CALCR: variants seen among roughly 807,000 people sequenced by gnomAD.
The protein encoded by CALCR is calcitonin receptor.
Under a neutral mutation model 59.5 loss-of-function variants are expected in CALCR, and 47 were observed. The observed-to-expected ratio is 0.79, with a 90% CI of 0.63 to 1.01. CALCR has a LOEUF of 1.01. Among genes scored for constraint, CALCR ranks in the 50% least tolerant of loss-of-function variants. CALCR has a pLI of 0.00. For synonymous variants in CALCR, 213 were observed against 211.3 expected (o/e 1.01, Z -0.07); for missense variants, 566 against 597.1 (o/e 0.95, Z 0.54).
intron 2 of CALCR, among the ~76,000 whole-genome samples, chr7:93,531,296 T>C (rs1218367219): frequency 6.6e-6 from 1 of 152,140 alleles, no homozygotes; most frequent in African/African-American, 2.4e-5. Flanking sequence ...CTTTAGGCAA[T>C]GGGGGAATGG....
intron 8 of CALCR, among the ~76,000 whole-genome samples, chr7:93,460,562 A>ATATATATAT (rs1305307735): frequency 1.2e-5 from 1 of 85,794 alleles, no homozygotes; most frequent in African/African-American, 9.2e-5. Flanking sequence ...TCTAAAAAAA[A>ATATATATAT]AAAAAAAAAA....
At chr7:93,429,938 T>TTTTTTTGAGACAGAGTC in intron 13 of CALCR, among the ~76,000 whole-genome samples, 1 of 107,522 alleles carries the variant, frequency 9.3e-6, no homozygotes, top group African/African-American at 3.7e-5. Flanking sequence ...TTGTTTGTTT[T>TTTTTTTGAGACAGAGTC]TTTGTTTTTT....
chr7:93,535,873 C>G (rs1476221274), intron 2 of CALCR, among the ~76,000 whole-genome samples: 1 of 151,744 alleles, frequency 6.6e-6, no homozygotes, highest in Non-Finnish European at 1.5e-5. Flanking sequence ...ACTGAACTCT[C>G]TCAGCTAATG....
At chr7:93,541,451 C>T (rs138830664) in intron 2 of CALCR, among the ~76,000 whole-genome samples, 27 of 152,138 alleles carry the variant, frequency 1.8e-4, no homozygotes, top group African/African-American at 4.8e-4. Context: ...GAGTGACCAC[C>T]GCACCCGGCC....
At chr7:93,519,545 AT>A (rs1363615579) in intron 2 of CALCR, among the ~76,000 whole-genome samples, 1 of 152,106 alleles carries the variant, frequency 6.6e-6, no homozygotes, top group Admixed American at 6.6e-5. Flanking sequence ...AGCACATAGT[AT>A]TCAATAAATA....
intron 6 of CALCR, 115 bp downstream of exon 6, chr7:93,472,260 T>G: frequency 3.1e-6 from 2 of 639,764 alleles, no homozygotes; most frequent in Non-Finnish European, 5.6e-6. Flanking sequence ...TCATATGATT[T>G]CTTTCCACAA....
At chr7:93,532,764 G>C (rs938754993) in intron 2 of CALCR, among the ~76,000 whole-genome samples, 2 of 135,162 alleles carry the variant, frequency 1.5e-5, no homozygotes, top group African/African-American at 2.9e-5. Flanking sequence ...TTTGCCAAAA[G>C]ACCCAAGAGG....
rs774351673 is a variant in CALCR, at chr7:93,436,020, A to G, written c.1081T>C (p.Trp361Arg). 1.2e-6 allele frequency: 2 copies of G among 1,613,794 alleles called. No individual in the cohort carries two copies. Among genetic ancestry groups the G allele is most frequent in the Admixed American group, 3.3e-5 (2 of 60,020 alleles). ...CCAAGCATCTTGTTGGAAGGTCTCC[A>G]GGGAAAGACGACAAACTGGATTCCC... ...LLGIQFVVFP[W>R]RPSNKMLGKI... The change falls in exon 12 of 14, where the codon TGG (tryptophan) becomes CGG (arginine). Residue 361 changes from tryptophan to arginine, a missense_variant. Transcript: ENST00000426151.
At chr7:93,524,246 T>C (rs1429199242) in intron 2 of CALCR, among the ~76,000 whole-genome samples, 2 of 151,240 alleles carry the variant, frequency 1.3e-5, no homozygotes, top group Non-Finnish European at 2.9e-5. Context: ...CTCAGCTCAC[T>C]GCAAGCTCCG....
In CALCR at chr7:93,511,555, A is replaced by G. The variant is rs181634078; in HGVS notation, c.-26-24548T>C. ...TGCTCAGAGGTGAGAATCATCCACA[A>G]TAAAAAAATTACTAGATATGTGAAA... On this transcript the variant is annotated intron_variant, in intron 2 of 13. Transcript: ENST00000426151. Among the ~76,000 whole-genome samples the G allele has an allele frequency of 3.4e-3, 513 of 152,306 alleles. 8 individuals are homozygous for G. Among genetic ancestry groups the G allele is most frequent in the Admixed American group, 0.03 (456 of 15,280 alleles).
At chr7:93,433,486 G>C (rs565752759) in intron 13 of CALCR, among the ~76,000 whole-genome samples, 23 of 152,302 alleles carry the variant, frequency 1.5e-4, no homozygotes, top group African/African-American at 5.5e-4. Context: ...GTTCCAGTCT[G>C]GGTTATAACC....
At chr7:93,492,028 A>G (rs1801090104) in intron 2 of CALCR, among the ~76,000 whole-genome samples, 1 of 151,876 alleles carries the variant, frequency 6.6e-6, no homozygotes, top group Non-Finnish European at 1.5e-5. Flanking sequence ...TAGACCGTAT[A>G]AAGAAAATGT....
chr7:93,568,506 ACTTTCTCTCT>A (rs1789918037), intron 2 of CALCR, among the ~76,000 whole-genome samples: 1 of 55,112 alleles, frequency 1.8e-5, no homozygotes, highest in Non-Finnish European at 3.6e-5. Context: ...CCATAAAATT[ACTTTCTCTCT>A]CTCTCTCTCT....
intron 2 of CALCR, among the ~76,000 whole-genome samples, chr7:93,568,139 A>C (rs1789907487): frequency 6.6e-6 from 1 of 152,098 alleles, no homozygotes; most frequent in Admixed American, 6.6e-5. Flanking sequence ...CATGCATGGG[A>C]CCTCTGGAAA....
chr7:93,482,589 GA>G (rs1800822520), intron 3 of CALCR, among the ~76,000 whole-genome samples: 1 of 151,770 alleles, frequency 6.6e-6, no homozygotes, highest in South Asian at 2.1e-4. Context: ...GCTCTAGTTG[GA>G]AATTCATGGA....
intron 5 of CALCR, among the ~76,000 whole-genome samples, chr7:93,473,334 C>T (rs1800596119): frequency 6.6e-6 from 1 of 151,742 alleles, no homozygotes; most frequent in Non-Finnish European, 1.5e-5. Context: ...AAGTAAATTT[C>T]CCTTCCATAA....
chr7:93,496,515 T>C (rs1015482091), intron 2 of CALCR, among the ~76,000 whole-genome samples: 4 of 151,560 alleles, frequency 2.6e-5, no homozygotes, highest in African/African-American at 9.7e-5. Context: ...ATTTTCTCTC[T>C]TTCCCCTTCA....
At position 93,477,686 on chromosome 7, in the gene CALCR, A is replaced by C. The variant is rs753009089; in HGVS notation, c.206-18T>G. Reference sequence around the variant, plus strand: ...ATATGGACCTGGCCATTTAGAAGGAAATTGATATTGAAGCCTTGTGGATTT... The same window carrying C: ...ATATGGACCTGGCCATTTAGAAGGACATTGATATTGAAGCCTTGTGGATTT... On this transcript the variant is annotated intron_variant, in intron 4 of 13. Transcript: ENST00000426151. 4 of 1,477,682 alleles carry C rather than the reference A, an allele frequency of 2.7e-6. No individual in the cohort carries two copies. The highest frequency in any genetic ancestry group is 3.4e-5 in the Admixed American group (2 of 59,532). The allele number at this position is 1,477,682 out of a possible 1,614,324, so 91.5% of individuals were successfully genotyped here.
At chr7:93,442,272 T>C (rs1453297973) in intron 9 of CALCR, among the ~76,000 whole-genome samples, 1 of 152,178 alleles carries the variant, frequency 6.6e-6, no homozygotes, top group Admixed American at 6.6e-5. Flanking sequence ...AGTTAGAACA[T>C]CTTACTCTGT....
Sources: allele counts gnomAD v4.1 joint callset (sites outside exome capture counted in the v4.1 genomes callset), GRCh38; gene constraint gnomAD v4.1.1; transcripts MANE v1.5; gene names NCBI Gene and HGNC (gene_info 2026-07-23, HGNC 2026-07-21).